The following STPG2 variants were observed in gnomAD, a reference collection of about 807,000 sequenced individuals.
STPG2 encodes the protein sperm-tail PG-rich repeat-containing protein 2.
A neutral mutation model predicts 54.2 loss-of-function variants in STPG2; 56 were observed. That is an observed-to-expected ratio of 1.03 (90% confidence interval 0.83 to 1.29). The LOEUF (loss-of-function observed/expected upper bound fraction) is 1.29, where lower values mean the gene tolerates loss of function less well. STPG2 is among the 50% of genes most tolerant of loss of function. The pLI is 0.00. For synonymous variants in STPG2, 200 were observed against 181.8 expected, an observed-to-expected ratio of 1.10 and a Z score of -0.81; for missense variants, 596 against 544.9, an observed-to-expected ratio of 1.09 and a Z score of -0.93.
intron 9 of STPG2, among the ~76,000 whole-genome samples, chr4:97,776,721 A>G (rs1212829468): frequency 6.6e-6 from 1 of 152,248 alleles, no homozygotes; most frequent in East Asian, 1.9e-4. Context: ...ATTCTTAAAA[A>G]GCACTAAAGC....
At chr4:97,560,397 G>C (rs1732194743) in intron 10 of STPG2, among the ~76,000 whole-genome samples, 1 of 152,080 alleles carries the variant, frequency 6.6e-6, no homozygotes, top group Non-Finnish European at 1.5e-5. Context: ...GTCTAGACAA[G>C]GGCAAATAAA....
intron 5 of STPG2, among the ~76,000 whole-genome samples, chr4:97,984,196 TCA>T (rs1394560065): frequency 6.6e-6 from 1 of 152,198 alleles, no homozygotes; most frequent in Non-Finnish European, 1.5e-5. Context: ...TCTCATTCCA[TCA>T]CACAGGCGCA....
chr4:97,988,866 G>T (rs1262831048), intron 5 of STPG2, among the ~76,000 whole-genome samples: 2 of 152,150 alleles, frequency 1.3e-5, no homozygotes, highest in Non-Finnish European at 2.9e-5. Context: ...TGCCCGCCTT[G>T]GCCTCCCAAA....
intron 10 of STPG2, among the ~76,000 whole-genome samples, chr4:97,563,470 C>A (rs909137892): frequency 2.0e-5 from 3 of 151,964 alleles, no homozygotes; most frequent in African/African-American, 7.3e-5. Context: ...TTATTTCTTG[C>A]CTTCTGCTAG....
intron 10 of STPG2, among the ~76,000 whole-genome samples, chr4:97,638,621 C>T (rs1237211859): frequency 1.4e-5 from 2 of 144,968 alleles, no homozygotes; most frequent in Non-Finnish European, 3.0e-5. Flanking sequence ...TATCCAGAAT[C>T]TACAATGAAC....
intron 9 of STPG2, among the ~76,000 whole-genome samples, chr4:97,723,108 G>A (rs912025262): frequency 1.3e-5 from 2 of 151,656 alleles, no homozygotes; most frequent in South Asian, 2.1e-4. Flanking sequence ...CACCGCGCCC[G>A]GCCGAGTCCC....
At chr4:97,670,189 C>T (rs559916381) in intron 10 of STPG2, among the ~76,000 whole-genome samples, 1 of 151,918 alleles carries the variant, frequency 6.6e-6, no homozygotes, top group Non-Finnish European at 1.5e-5. Context: ...CATGTATTTC[C>T]TGTAATGGTA....
chr4:97,784,785 T>C (rs1269388528), intron 9 of STPG2, among the ~76,000 whole-genome samples: 1 of 152,000 alleles, frequency 6.6e-6, no homozygotes, highest in Admixed American at 6.6e-5. Flanking sequence ...TTGGAAATGA[T>C]TAAAGAGAAC....
chr4:97,911,190 T>C (rs889639851), intron 8 of STPG2, among the ~76,000 whole-genome samples: 1 of 152,086 alleles, frequency 6.6e-6, no homozygotes, highest in African/African-American at 2.4e-5. Flanking sequence ...GGGCCTTGGG[T>C]GAAAAGCACA....
intron 5 of STPG2, among the ~76,000 whole-genome samples, chr4:98,049,790 T>C (rs1578812942): frequency 1.3e-5 from 2 of 152,266 alleles, no homozygotes; most frequent in South Asian, 4.1e-4. Flanking sequence ...TGGCCACCAA[T>C]ATTACAAAGA....
chr4:97,770,292 T>C (rs1022735049), intron 9 of STPG2, among the ~76,000 whole-genome samples: 2 of 152,130 alleles, frequency 1.3e-5, no homozygotes, highest in South Asian at 4.1e-4. Flanking sequence ...GAGTTCTAAA[T>C]GTGCAGTTAT....
chr4:97,646,941 C>T lies in STPG2; in HGVS notation c.1320+65758G>A, dbSNP rs935380891. Among the ~76,000 whole-genome samples, 10 of 152,148 alleles carry T rather than the reference C, an allele frequency of 6.6e-5. No individual in the cohort carries two copies. In the East Asian group the frequency reaches 9.7e-4, roughly 15 times the overall value. ...AGGTGCCATCTGGATAGTCATTAGG[C>T]GTCTCGATAAGCAGAGAATTTCTCT... On this transcript the variant is annotated intron_variant, in intron 10 of 10. Coordinates refer to ENST00000295268, the MANE Select transcript of STPG2 (RefSeq NM_174952.3).
intron 4 of STPG2, among the ~76,000 whole-genome samples, chr4:97,518,517 G>A (rs955047890): frequency 6.6e-6 from 1 of 152,052 alleles, no homozygotes; most frequent in Non-Finnish European, 1.5e-5. Flanking sequence ...ATACATTTAA[G>A]AAGTATATAA....
At chr4:98,037,117 G>A (rs1736802830) in intron 5 of STPG2, among the ~76,000 whole-genome samples, 1 of 151,878 alleles carries the variant, frequency 6.6e-6, no homozygotes, top group Non-Finnish European at 1.5e-5. Context: ...ATTCTTCAAG[G>A]AAGAAAATTT....
chr4:98,126,262 T>C (rs1221641808), intron 3 of STPG2, among the ~76,000 whole-genome samples: 1 of 152,158 alleles, frequency 6.6e-6, no homozygotes, highest in African/African-American at 2.4e-5. Context: ...GGCCAGAGTA[T>C]GAAAAACAAC....
chr4:98,007,477 G>C (rs783936), intron 5 of STPG2, among the ~76,000 whole-genome samples: 3 of 151,930 alleles, frequency 2.0e-5, no homozygotes, highest in African/African-American at 7.3e-5. Context: ...CACAATGGAA[G>C]TGAATTCAAA....
At chr4:97,624,280 G>A (rs546271815) in intron 10 of STPG2, among the ~76,000 whole-genome samples, 105 of 152,050 alleles carry the variant, frequency 6.9e-4, no homozygotes, top group South Asian at 1.5e-3. Context: ...TTCCTATTTC[G>A]CCATAGCCTT....
chr4:97,613,977 T>C (rs1371966213), intron 10 of STPG2, among the ~76,000 whole-genome samples: 2 of 152,084 alleles, frequency 1.3e-5, no homozygotes, highest in South Asian at 2.1e-4. Context: ...CAGCTACAAC[T>C]AATAATGGCT....
chr4:97,800,473 A>C (rs139748994), intron 9 of STPG2, among the ~76,000 whole-genome samples: 2,063 of 152,316 alleles, frequency 0.014, 15 homozygotes, highest in Middle Eastern at 0.031. Flanking sequence ...TCTGGGTATC[A>C]GCAGTGGAGG....
Sources: gnomAD v4.1 joint callset for allele counts (sites outside exome capture counted in the v4.1 genomes callset) on GRCh38, gnomAD v4.1.1 for gene constraint, MANE v1.5 for transcripts, NCBI Gene and HGNC (gene_info 2026-07-23, HGNC 2026-07-21) for gene names.